NETO1: variants seen among roughly 807,000 people sequenced by gnomAD.
NETO1 encodes the protein neuropilin and tolloid-like protein 1.
NETO1 carries 26 observed loss-of-function variants against 61.3 expected under a neutral mutation model. The ratio of observed to expected loss-of-function variants is 0.42; its 90% CI spans 0.31 to 0.59. The LOEUF (loss-of-function observed/expected upper bound fraction) is 0.59, where lower values mean the gene tolerates loss of function less well. Ranked by LOEUF, NETO1 falls within the 20% of genes least tolerant of loss-of-function variation. The pLI is 0.12. For missense variants in NETO1, 531 were observed against 662.8 expected (o/e 0.80, Z 2.18); for synonymous variants, 225 against 225.8 (o/e 1.00, Z 0.03).
intron 1 of NETO1, 134 bp downstream of exon 1, chr18:72,867,130 T>C: frequency 1.6e-6 from 1 of 616,936 alleles, no homozygotes; most frequent in Non-Finnish European, 2.5e-6. Flanking sequence ...AAAGTTTACG[T>C]CGGCCCCGAC....
intron 2 of NETO1, 118 bp downstream of exon 2, chr18:72,865,070 A>C: frequency 7.2e-7 from 1 of 1,387,086 alleles, no homozygotes; most frequent in Admixed American, 2.4e-5. Flanking sequence ...TAGCCAAACC[A>C]ATCAATTATA....
At chr18:72,829,907 C>T (rs1434577999) in intron 4 of NETO1, among the ~76,000 whole-genome samples, 2 of 152,112 alleles carry the variant, frequency 1.3e-5, no homozygotes, top group Admixed American at 6.5e-5. Flanking sequence ...CTGCATTACC[C>T]TAGGATTGAC....
At chr18:72,750,744 T>A in intron 8 of NETO1, 124 bp from the exon 9 acceptor site, 1 of 625,716 alleles carries the variant, frequency 1.6e-6, no homozygotes, top group East Asian at 2.8e-5. Flanking sequence ...ACAGAATTTT[T>A]ACAGGCTTAT....
At chr18:72,863,569 T>G (rs1349284023) in intron 3 of NETO1, among the ~76,000 whole-genome samples, 1 of 152,182 alleles carries the variant, frequency 6.6e-6, no homozygotes, top group African/African-American at 2.4e-5. Context: ...TAGCTAATTG[T>G]TTTGCCTTCT....
chr18:72,807,255 C>T (rs2072704304), intron 4 of NETO1, among the ~76,000 whole-genome samples: 1 of 152,116 alleles, frequency 6.6e-6, no homozygotes, highest in African/African-American at 2.4e-5. Flanking sequence ...CATGTGGGCA[C>T]AGAGTATATA....
At chr18:72,825,446 C>A (rs967007047) in intron 4 of NETO1, among the ~76,000 whole-genome samples, 7 of 151,810 alleles carry the variant, frequency 4.6e-5, no homozygotes, top group African/African-American at 1.5e-4. Context: ...TTATTTTTAC[C>A]TTTATTTTTG....
At chr18:72,785,559 T>G (rs2071885171) in intron 6 of NETO1, among the ~76,000 whole-genome samples, 1 of 152,210 alleles carries the variant, frequency 6.6e-6, no homozygotes, top group Non-Finnish European at 1.5e-5. Context: ...TTCATTATAC[T>G]TTAAGTTTTA....
chr18:72,757,557 T>A (rs996682624), intron 7 of NETO1, among the ~76,000 whole-genome samples: 1 of 151,960 alleles, frequency 6.6e-6, no homozygotes. Context: ...GGTTAAAGAG[T>A]AAAAAGCATA....
Position 72,858,868 on chromosome 18 carries a change from G to T in NETO1, c.427C>A (p.Leu143Met). 1 of 1,613,552 alleles carries T rather than the reference G, an allele frequency of 6.2e-7. No homozygotes were observed. Among genetic ancestry groups the T allele is most frequent in the Non-Finnish European group, 8.5e-7 (1 of 1,179,768 alleles). Residue 143 changes from leucine to methionine, a missense_variant, in exon 4 of 11, where the codon CTG (leucine) becomes ATG (methionine). Transcript: ENST00000327305. ...CGAGCTGAAAATCCCATAGATTCCA[G>T]CTCTCCATCAGCAAAAAATTTAATC... ...LWIKFFADGE[L>M]ESMGFSARYN...
At chr18:72,834,458 G>A in intron 4 of NETO1, 1 of 980,326 alleles carries the variant, frequency 1.0e-6, no homozygotes, top group Non-Finnish European at 1.2e-6. Flanking sequence ...CATATCTGGG[G>A]CAAACAGCAA....
intron 7 of NETO1, among the ~76,000 whole-genome samples, chr18:72,781,363 A>C (rs549829600): frequency 1.1e-4 from 17 of 152,196 alleles, no homozygotes; most frequent in Non-Finnish European, 2.1e-4. Flanking sequence ...TAGATCAATC[A>C]GCAGTGAGCC....
chr18:72,832,935 C>T (rs1482686041), intron 4 of NETO1, among the ~76,000 whole-genome samples: 1 of 152,122 alleles, frequency 6.6e-6, no homozygotes, highest in African/African-American at 2.4e-5. Context: ...AGAATTCAGG[C>T]TTCTATTTCC....
chr18:72,742,529 G>C (rs1179345607), downstream of NETO1: 1 of 152,170 alleles, frequency 6.6e-6, no homozygotes, highest in Admixed American at 6.5e-5. Flanking sequence ...CTGTAAGGTG[G>C]AGAGAAGGTG....
intron 4 of NETO1, among the ~76,000 whole-genome samples, chr18:72,797,827 C>G (rs537666118): frequency 2.6e-5 from 4 of 152,152 alleles, no homozygotes; most frequent in Non-Finnish European, 5.9e-5. Flanking sequence ...CAGGCTGTTC[C>G]TATCCTCTGT....
At chr18:72,849,567 C>T (rs909788141) in intron 4 of NETO1, among the ~76,000 whole-genome samples, 2 of 152,194 alleles carry the variant, frequency 1.3e-5, no homozygotes, top group African/African-American at 2.4e-5. Flanking sequence ...CAGCTTTTGC[C>T]AACTGCCTAA....
intron 4 of NETO1, among the ~76,000 whole-genome samples, chr18:72,840,436 A>G (rs891588871): frequency 1.3e-5 from 2 of 152,232 alleles, no homozygotes; most frequent in African/African-American, 4.8e-5. Context: ...CAAACACTGC[A>G]ACAAACAAAT....
chr18:72,792,410 C>T (rs2072152622), intron 6 of NETO1, among the ~76,000 whole-genome samples: 1 of 152,026 alleles, frequency 6.6e-6, no homozygotes, highest in Non-Finnish European at 1.5e-5. Flanking sequence ...CAGAATGAGA[C>T]TCTGTCTCAA....
intron 4 of NETO1, among the ~76,000 whole-genome samples, chr18:72,812,483 T>C (rs190356507): frequency 3.1e-4 from 47 of 152,364 alleles, no homozygotes; most frequent in African/African-American, 1.1e-3. Context: ...CTTTAGACTC[T>C]AGTGACTTTT....
intron 4 of NETO1, among the ~76,000 whole-genome samples, chr18:72,807,418 T>C (rs570931030): frequency 1.3e-5 from 2 of 152,196 alleles, no homozygotes; most frequent in Non-Finnish European, 2.9e-5. Context: ...GTTCCCTTAT[T>C]TTATTTATTT....
Sources: allele counts gnomAD v4.1 joint callset (sites outside exome capture counted in the v4.1 genomes callset), GRCh38; gene constraint gnomAD v4.1.1; transcripts MANE v1.5; gene names NCBI Gene and HGNC (gene_info 2026-07-23, HGNC 2026-07-21).